CABCOCO1: variants seen among roughly 807,000 people sequenced by gnomAD.
The protein encoded by CABCOCO1 is ciliary-associated calcium-binding coiled-coil protein 1.
In CABCOCO1, 28 loss-of-function variants were observed where a neutral mutation model predicts 35.7. The ratio of observed to expected loss-of-function variants is 0.78; its 90% CI spans 0.58 to 1.07. The LOEUF is 1.07. Ranked by LOEUF, CABCOCO1 falls within the 50% of genes least tolerant of loss-of-function variation. The probability of loss-of-function intolerance (pLI) is 0.00; values close to 1 mark genes in which losing one functional copy is unlikely to be tolerated. For synonymous variants in CABCOCO1, 95 were observed against 100.1 expected, an observed-to-expected ratio of 0.95 and a Z score of 0.30; for missense variants, 326 against 309.2, an observed-to-expected ratio of 1.05 and a Z score of -0.41.
chr10:61,664,448 T>C (rs1359004224), intron 1 of CABCOCO1, among the ~76,000 whole-genome samples: 1 of 149,736 alleles, frequency 6.7e-6, no homozygotes, highest in Non-Finnish European at 1.5e-5. Flanking sequence ...AGTGCTATGC[T>C]TCAGGAAAAA....
At chr10:61,683,235 A>G (rs1839853149) in intron 3 of CABCOCO1, among the ~76,000 whole-genome samples, 2 of 152,086 alleles carry the variant, frequency 1.3e-5, no homozygotes, top group Admixed American at 1.3e-4. Flanking sequence ...TAATTTTGAA[A>G]ATAGGTATTG....
chr10:61,693,879 AT>A (rs371865268), intron 5 of CABCOCO1, among the ~76,000 whole-genome samples: 42 of 151,276 alleles, frequency 2.8e-4, no homozygotes, highest in Admixed American at 1.6e-3. Context: ...ATAAAAAAAA[AT>A]AACAGGTGAA....
At chr10:61,695,359 AAG>A (rs776849758) in intron 5 of CABCOCO1, among the ~76,000 whole-genome samples, 12 of 151,884 alleles carry the variant, frequency 7.9e-5, no homozygotes, top group East Asian at 3.9e-4. Flanking sequence ...GAAACTGGGT[AAG>A]AGAGTATGGA....
intron 5 of CABCOCO1, among the ~76,000 whole-genome samples, chr10:61,754,170 G>A (rs1841850210): frequency 6.6e-6 from 1 of 152,010 alleles, no homozygotes; most frequent in Non-Finnish European, 1.5e-5. Flanking sequence ...AAGTAGCCAG[G>A]TAGCAATTAT....
chr10:61,663,428 C>T (rs977752192), intron 1 of CABCOCO1, among the ~76,000 whole-genome samples: 1 of 151,632 alleles, frequency 6.6e-6, no homozygotes, highest in Admixed American at 6.6e-5. Flanking sequence ...TTTAAATGAG[C>T]CAGTCTCTTT....
In CABCOCO1 at chr10:61,766,102, A is replaced by G. The variant is rs1464895549; in HGVS notation, c.*89A>G. The G allele has an allele frequency of 8.4e-7, 1 of 1,196,040 alleles. No individual in the cohort carries two copies. The highest frequency in any genetic ancestry group is 1.2e-6 in the Non-Finnish European group (1 of 840,998). 74.1% of individuals were successfully genotyped at this position (1,196,040 alleles called of 1,614,324 possible). A position where few individuals can be genotyped will look rare whatever the true frequency, so the allele number is the denominator to read the frequency against. On this transcript the variant is annotated 3_prime_UTR_variant, in exon 8 of 8. Transcript: ENST00000648843. ...AGACTCTCTGGAGCGTCGTGTCTCC[A>G]TCACTTAGTTGTGAAAGGAAAACCA... is the stretch of plus-strand genomic sequence containing the variant.
At chr10:61,755,959 G>A (rs542275043) in intron 5 of CABCOCO1, among the ~76,000 whole-genome samples, 2 of 152,106 alleles carry the variant, frequency 1.3e-5, no homozygotes, top group Admixed American at 6.6e-5. Context: ...TTTGTTCCAA[G>A]AGAGTTCAAA....
chr10:61,763,950 T>C (rs1273030650), intron 7 of CABCOCO1, among the ~76,000 whole-genome samples: 3 of 152,080 alleles, frequency 2.0e-5, no homozygotes, highest in Non-Finnish European at 4.4e-5. Context: ...GTGACTGAAC[T>C]AAAGTACTAA....
At chr10:61,680,483 TA>T (rs1343978138) in intron 2 of CABCOCO1, among the ~76,000 whole-genome samples, 2 of 134,280 alleles carry the variant, frequency 1.5e-5, no homozygotes, top group South Asian at 2.2e-4. Context: ...TATTTATATA[TA>T]TAACATATTA....
intron 1 of CABCOCO1, among the ~76,000 whole-genome samples, chr10:61,663,802 A>G (rs1839083170): frequency 6.8e-6 from 1 of 146,982 alleles, no homozygotes; most frequent in African/African-American, 2.5e-5. Flanking sequence ...TTTTAAGAAC[A>G]CATCTGCTGT....
intron 7 of CABCOCO1, among the ~76,000 whole-genome samples, chr10:61,764,094 C>T (rs1394826405): frequency 6.6e-6 from 1 of 152,040 alleles, no homozygotes; most frequent in African/African-American, 2.4e-5. Flanking sequence ...ACCAGAAAGG[C>T]CTCCAAGTGA....
At chr10:61,758,620 CG>C (rs1216917160) in intron 5 of CABCOCO1, among the ~76,000 whole-genome samples, 1 of 151,936 alleles carries the variant, frequency 6.6e-6, no homozygotes, top group Non-Finnish European at 1.5e-5. Flanking sequence ...AACTTAATGA[CG>C]TATTACAGTT....
chr10:61,749,891 G>T (rs1337053127), intron 5 of CABCOCO1, among the ~76,000 whole-genome samples: 1 of 151,722 alleles, frequency 6.6e-6, no homozygotes, highest in Non-Finnish European at 1.5e-5. Flanking sequence ...AGTATGATTT[G>T]AAGGACCTAC....
At chr10:61,759,874 A>C (rs934139347) in intron 5 of CABCOCO1, among the ~76,000 whole-genome samples, 185 bp from the exon 6 acceptor site, 1 of 152,086 alleles carries the variant, frequency 6.6e-6, no homozygotes, top group Non-Finnish European at 1.5e-5. Context: ...ACAAAGTGTT[A>C]ATTTTGAGAA....
In CABCOCO1 at chr10:61,681,259, T is replaced by C. The variant is rs1839781701; in HGVS notation, c.281T>C (p.Ile94Thr). ...LWARGMDFSI[I>T]QYSKFMTLLA... ...GCTAGAGGAATGGATTTCTCTATTA[T>C]TCAGTATTCAAAATTTATGACTTTA... The change falls in exon 3 of 8, where the codon ATT (isoleucine) becomes ACT (threonine). Residue 94 changes from isoleucine (I) to threonine (T), a missense_variant. Ile to Thr is a moderately conservative substitution (Grantham distance 89, BLOSUM62 -1). Coordinates refer to ENST00000648843, the MANE Select transcript of CABCOCO1 (RefSeq NM_001366906.2). 6.4e-7 allele frequency: 1 copy of C among 1,571,670 alleles called. No homozygotes were observed. The highest frequency in any genetic ancestry group is 8.7e-7 in the Non-Finnish European group (1 of 1,150,832).
At chr10:61,690,404 G>T in intron 4 of CABCOCO1, 145 bp from the exon 5 acceptor site, 1 of 534,382 alleles carries the variant, frequency 1.9e-6, no homozygotes. Flanking sequence ...ATTTCTTTTG[G>T]AATAAAGGAG....
rs1294838191 is a variant in CABCOCO1, at chr10:61,724,744, A to G, written c.552+34123A>G. ...GCTTGAACTTTTTTAAAAAAGAAAT[A>G]TTATTTGTAACACATGTTAAAGGGT... On this transcript the variant is annotated intron_variant, in intron 5 of 7. Transcript: ENST00000648843. Among the ~76,000 whole-genome samples the G allele has an allele frequency of 3.3e-5, 5 of 152,206 alleles. No homozygotes were observed. The East Asian group carries it at 9.6e-4, about 29-fold the overall frequency.
At chr10:61,755,414 C>G (rs1230812174) in intron 5 of CABCOCO1, among the ~76,000 whole-genome samples, 1 of 151,996 alleles carries the variant, frequency 6.6e-6, no homozygotes, top group East Asian at 1.9e-4. Context: ...CCTTTTTTCC[C>G]TTAGTTAATA....
At position 61,766,064 on chromosome 10, in the gene CABCOCO1, CA is replaced by C; in HGVS notation, c.*52del. On this transcript the variant is annotated 3_prime_UTR_variant, in exon 8 of 8. Transcript: ENST00000648843. Reference sequence around the variant, plus strand: ...TAAACTTCACAGAAACAAACAAAACCAGCCAGAATAACAGACTCTCTGGAGC... The same window carrying C: ...TAAACTTCACAGAAACAAACAAAACCGCCAGAATAACAGACTCTCTGGAGC... 1 of 1,512,476 alleles carries C rather than the reference CA, an allele frequency of 6.6e-7. No homozygotes were observed. The highest frequency in any genetic ancestry group is 9.1e-7 in the Non-Finnish European group (1 of 1,095,196). 93.7% of individuals were successfully genotyped at this position (1,512,476 alleles called of 1,614,324 possible). A position where few individuals can be genotyped will look rare whatever the true frequency, so the allele number is the denominator to read the frequency against.
Sources: allele counts gnomAD v4.1 joint callset (sites outside exome capture counted in the v4.1 genomes callset), GRCh38; gene constraint gnomAD v4.1.1; transcripts MANE v1.5; gene names NCBI Gene and HGNC (gene_info 2026-07-23, HGNC 2026-07-21).